SLC8A1: variants seen among roughly 807,000 people sequenced by gnomAD.
SLC8A1 encodes the protein solute carrier family 8 member A1.
SLC8A1 carries 18 observed loss-of-function variants against 68.3 expected under a neutral mutation model. The ratio of observed to expected loss-of-function variants is 0.26; its 90% CI spans 0.18 to 0.39. The LOEUF (loss-of-function observed/expected upper bound fraction) is 0.39. Among genes scored for constraint, SLC8A1 ranks in the 10% least tolerant of loss-of-function variants. The probability of loss-of-function intolerance (pLI) is 1.00; values close to 1 mark genes in which losing one functional copy is unlikely to be tolerated. For synonymous variants in SLC8A1, 475 were observed against 415.5 expected (o/e 1.14, Z -1.74); for missense variants, 985 against 1,156.7 (o/e 0.85, Z 2.15).
intron 6 of SLC8A1, among the ~76,000 whole-genome samples, chr2:40,142,642 T>C (rs535562948): frequency 1.3e-5 from 2 of 152,282 alleles, no homozygotes; most frequent in Admixed American, 1.3e-4. Flanking sequence ...AGAAATGCCA[T>C]TTATAAATTG....
At chr2:40,153,436 A>G (rs1176648636) in intron 6 of SLC8A1, among the ~76,000 whole-genome samples, 3 of 152,200 alleles carry the variant, frequency 2.0e-5, no homozygotes, top group Non-Finnish European at 4.4e-5. Flanking sequence ...TAAACACTTT[A>G]TTTGTCATCC....
At chr2:40,171,248 C>T (rs733727) in intron 4 of SLC8A1, among the ~76,000 whole-genome samples, 1 of 152,310 alleles carries the variant, frequency 6.6e-6, no homozygotes, top group East Asian at 1.9e-4. Flanking sequence ...GTGATGAAAA[C>T]ATTTTCAACT....
intron 2 of SLC8A1, among the ~76,000 whole-genome samples, chr2:40,402,025 T>G (rs766276949): frequency 6.6e-6 from 1 of 152,134 alleles, no homozygotes; most frequent in Non-Finnish European, 1.5e-5. Context: ...CTGGGTAAAG[T>G]AAGGCTGAGA....
chr2:40,443,494 C>A (rs550234055), intron 1 of SLC8A1, among the ~76,000 whole-genome samples: 4 of 152,270 alleles, frequency 2.6e-5, no homozygotes, highest in South Asian at 2.1e-4. Flanking sequence ...TTCTCTGTAA[C>A]AGGATTATTC....
intron 2 of SLC8A1, among the ~76,000 whole-genome samples, chr2:40,207,152 G>C (rs896256285): frequency 1.3e-5 from 2 of 151,990 alleles, no homozygotes; most frequent in African/African-American, 4.8e-5. Flanking sequence ...TTCTTGGTTA[G>C]TGATACATAA....
rs151189284 is a variant in SLC8A1, at chr2:40,428,567, C to G, written c.1714G>C (p.Val572Leu). 28 of 1,613,668 alleles carry G rather than the reference C, an allele frequency of 1.7e-5. No individual in the cohort carries two copies. In the Admixed American group the frequency reaches 3.3e-4, roughly 19 times the overall value. Residue 572 changes from valine to leucine, a missense_variant, in exon 2 of 8, where the codon GTT becomes CTT. By Grantham distance (32) the Val-to-Leu change is conservative. Transcript: ENST00000406785. The stretch of plus-strand genomic sequence containing the variant: ...GTCCCTTCGATGGTTTTATATGGAA[C>G]GATAACATTTCCTCGAGCTCCAGAT...
chr2:40,495,584 C>T (rs776671556), intron 1 of SLC8A1, among the ~76,000 whole-genome samples: 7 of 152,006 alleles, frequency 4.6e-5, no homozygotes, highest in Non-Finnish European at 7.4e-5. Flanking sequence ...AAAATCAACA[C>T]GAACAATGAG....
intron 2 of SLC8A1, among the ~76,000 whole-genome samples, chr2:40,229,192 C>G (rs1189881070): frequency 1.3e-5 from 2 of 151,950 alleles, no homozygotes; most frequent in Non-Finnish European, 2.9e-5. Flanking sequence ...GGTTCCTTAA[C>G]AAAGGGATGA....
chr2:40,332,612 T>C (rs1559279683), intron 2 of SLC8A1, among the ~76,000 whole-genome samples: 2 of 152,142 alleles, frequency 1.3e-5, no homozygotes, highest in Non-Finnish European at 2.9e-5. Flanking sequence ...CATAATTCTC[T>C]ACCAAGCTGC....
intron 2 of SLC8A1, among the ~76,000 whole-genome samples, chr2:40,241,987 T>A (rs553147760): frequency 6.6e-6 from 1 of 152,312 alleles, no homozygotes; most frequent in Non-Finnish European, 1.5e-5. Context: ...TTCCACTCAA[T>A]AATTTGATCT....
chr2:40,183,367 T>C (rs1014409361), intron 2 of SLC8A1, among the ~76,000 whole-genome samples: 1 of 152,234 alleles, frequency 6.6e-6, no homozygotes, highest in East Asian at 1.9e-4. Flanking sequence ...GTATGAACAA[T>C]GATAGAATTT....
intron 2 of SLC8A1, among the ~76,000 whole-genome samples, chr2:40,331,000 T>A (rs1316817961): frequency 6.6e-6 from 1 of 152,150 alleles, no homozygotes; most frequent in Non-Finnish European, 1.5e-5. Flanking sequence ...TTCTTCCAAA[T>A]GAAATAAAAT....
At chr2:40,385,149 G>A (rs1032988912) in intron 2 of SLC8A1, among the ~76,000 whole-genome samples, 13 of 151,930 alleles carry the variant, frequency 8.6e-5, no homozygotes, top group Non-Finnish European at 7.4e-5. Flanking sequence ...CAAATAGTAC[G>A]GTCATTAATT....
intron 2 of SLC8A1, among the ~76,000 whole-genome samples, chr2:40,332,558 C>A (rs992839614): frequency 3.3e-5 from 5 of 151,994 alleles, no homozygotes; most frequent in Admixed American, 6.6e-5. Flanking sequence ...TAAGTAGTGA[C>A]GCCAGGGAGA....
chr2:40,494,857 A>G (rs6736914), intron 1 of SLC8A1, among the ~76,000 whole-genome samples: 139,521 of 151,058 alleles, frequency 0.92, 64,843 homozygotes, highest in Non-Finnish European at 0.98. Flanking sequence ...GGAACTGAGG[A>G]ACAACACTTT....
intron 2 of SLC8A1, among the ~76,000 whole-genome samples, chr2:40,427,495 C>T (rs1697185972): frequency 1.3e-5 from 2 of 151,990 alleles, no homozygotes; most frequent in South Asian, 2.1e-4. Flanking sequence ...AGTCAGCCTC[C>T]CTCCCTCTCT....
chr2:40,279,690 G>T (rs1559073582), intron 2 of SLC8A1, among the ~76,000 whole-genome samples: 1 of 152,162 alleles, frequency 6.6e-6, no homozygotes, highest in Non-Finnish European at 1.5e-5. Flanking sequence ...CCTTCTTTTA[G>T]GGGAAGAAGT....
exon 8 of SLC8A1, chr2:40,110,121 C>T (rs2125049916): frequency 6.6e-6 from 1 of 152,202 alleles, no homozygotes; most frequent in Non-Finnish European, 1.5e-5. Flanking sequence ...AAATACGTAC[C>T]ATTTCTTGTG....
chr2:40,159,705 T>G (rs1011864547), intron 6 of SLC8A1, among the ~76,000 whole-genome samples: 1 of 152,192 alleles, frequency 6.6e-6, no homozygotes, highest in African/African-American at 2.4e-5. Flanking sequence ...TCCTGAGCAG[T>G]TACCCACCAT....
Sources: gnomAD v4.1 joint callset for allele counts (sites outside exome capture counted in the v4.1 genomes callset) on GRCh38, gnomAD v4.1.1 for gene constraint, MANE v1.5 for transcripts, NCBI Gene and HGNC (gene_info 2026-07-23, HGNC 2026-07-21) for gene names.